The following ZFP64 variants were observed in gnomAD, a reference collection of about 807,000 sequenced individuals.
ZFP64 encodes the protein zinc finger protein 64.
In ZFP64, 14 loss-of-function variants were observed where a neutral mutation model predicts 51.6. The observed-to-expected ratio is 0.27, with a 90% CI of 0.18 to 0.42. The LOEUF is 0.42. Among genes scored for constraint, ZFP64 ranks in the 10% least tolerant of loss-of-function variants. The pLI, the probability that ZFP64 is intolerant of heterozygous loss-of-function variation, is 1.00. For synonymous variants in ZFP64, 375 were observed against 361.4 expected, an observed-to-expected ratio of 1.04 and a Z score of -0.43; for missense variants, 754 against 906.8, an observed-to-expected ratio of 0.83 and a Z score of 2.16.
At chr20:52,122,157 G>A (rs964320177) in intron 5 of ZFP64, among the ~76,000 whole-genome samples, 3 of 152,160 alleles carry the variant, frequency 2.0e-5, no homozygotes, top group Admixed American at 6.5e-5. Context: ...TTTCATGCCT[G>A]CTGACACAAC....
chr20:52,180,683 A>T (rs1983553246), intron 2 of ZFP64, among the ~76,000 whole-genome samples: 1 of 152,104 alleles, frequency 6.6e-6, no homozygotes. Context: ...TGATTATGTA[A>T]TGAGAGCTAA....
chr20:52,128,375 C>T (rs1979547281), intron 5 of ZFP64, among the ~76,000 whole-genome samples: 1 of 152,174 alleles, frequency 6.6e-6, no homozygotes, highest in Non-Finnish European at 1.5e-5. Context: ...GCCCCACCCA[C>T]CATAATGTCA....
chr20:52,106,849 C>A (rs1465752414), intron 5 of ZFP64, among the ~76,000 whole-genome samples: 2 of 152,158 alleles, frequency 1.3e-5, no homozygotes, highest in Non-Finnish European at 2.9e-5. Context: ...GTAATCCCAG[C>A]ACTTTGGGAG....
intron 2 of ZFP64, among the ~76,000 whole-genome samples, chr20:52,172,500 G>C (rs1982837831): frequency 6.6e-6 from 1 of 152,080 alleles, no homozygotes; most frequent in Non-Finnish European, 1.5e-5. Flanking sequence ...TCTGTATTCA[G>C]GTTTGGCATA....
At chr20:52,086,920 T>C (rs1034272090) in intron 8 of ZFP64, among the ~76,000 whole-genome samples, 1 of 152,250 alleles carries the variant, frequency 6.6e-6, no homozygotes. Flanking sequence ...AAATATATCA[T>C]GCCAGATGTT....
chr20:52,186,514 CT>C (rs11479878), intron 2 of ZFP64, among the ~76,000 whole-genome samples: 29,112 of 148,058 alleles, frequency 0.2, 3,235 homozygotes, highest in East Asian at 0.27. Flanking sequence ...AAAACAACCA[CT>C]TTTTTTTTTA....
At position 52,153,062 on chromosome 20, in the gene ZFP64, C is replaced by A. The variant is rs1377344075; in HGVS notation, c.1130G>T (p.Ser377Ile). The change falls in exon 6 of 6, where the codon AGC becomes ATC. Residue 377 changes from serine (S) to isoleucine (I), a missense_variant. Coordinates refer to ENST00000216923, the MANE Select transcript of ZFP64 (RefSeq NM_018197.3). The surrounding 1 kb of genome is among the most constrained non-coding windows in gnomAD (Gnocchi z 5.1). The stretch of plus-strand genomic sequence containing the variant: ...GTTGCTGGGCTGTTTGGTGTCGAAG[C>A]TGCAGTAGTTGCACTTGAAAGGGCG... Reference protein sequence around the residue: ...TDRPFKCNYCSFDTKQPSNLS... With the variant: ...TDRPFKCNYCIFDTKQPSNLS... 3.1e-6 allele frequency: 5 copies of A among 1,614,054 alleles called. No homozygotes were observed. Among genetic ancestry groups the A allele is most frequent in the Non-Finnish European group, 4.2e-6 (5 of 1,180,060 alleles).
At chr20:52,167,005 A>G (rs1982330723) in intron 2 of ZFP64, among the ~76,000 whole-genome samples, 1 of 152,250 alleles carries the variant, frequency 6.6e-6, no homozygotes, top group South Asian at 2.1e-4. Context: ...AGAAAAAAAA[A>G]ATAGCAAAAC....
rs797006213 is a variant in ZFP64 at position 52,090,927 on chromosome 20, C to CAAA, written c.977-2287_977-2285dup. Among the ~76,000 whole-genome samples, 452 of 67,866 alleles carry CAAA rather than the reference C, an allele frequency of 6.7e-3. 11 individuals are homozygous for CAAA. Among genetic ancestry groups the CAAA allele is most frequent in the South Asian group, 0.013 (16 of 1,274 alleles). The allele number at this position is 67,866 out of a possible 152,430, so 44.5% of individuals were successfully genotyped here. On this transcript the variant is annotated intron_variant, in intron 7 of 8. Coordinates refer to the ZFP64 transcript ENST00000361387. ...CAACACAGTGAGACCCTGACTCTAC[C>CAAA]AAAAAAAAAAAAAAAAAAAAAAAAA...
At chr20:52,182,732 A>G (rs945667515) in intron 2 of ZFP64, among the ~76,000 whole-genome samples, 5 of 152,032 alleles carry the variant, frequency 3.3e-5, no homozygotes, top group African/African-American at 9.7e-5. Context: ...AAACAAAACA[A>G]AGAAACAAGC....
intron 5 of ZFP64, among the ~76,000 whole-genome samples, chr20:52,138,210 C>A (rs948180676): frequency 6.6e-6 from 1 of 151,398 alleles, no homozygotes; most frequent in African/African-American, 2.4e-5. Flanking sequence ...CTCAAAAAAA[C>A]AACACACAAA....
exon 7 of ZFP64, chr20:52,097,398 C>T (rs773834184): frequency 6.2e-7 from 1 of 1,612,862 alleles, no homozygotes; most frequent in South Asian, 1.1e-5. Flanking sequence ...GATGGCGGTC[C>T]AAGTCTTTCA....
At position 52,153,740 on chromosome 20, in the gene ZFP64, T is replaced by G. The variant is rs946707153; in HGVS notation, c.764-312A>C. ...TTCTTTAAAACACTCAAACTATCTT[T>G]CATACAGTTAATTTGCCCACTCTGC... On this transcript the variant is annotated intron_variant, in intron 5 of 5. Coordinates refer to ENST00000216923, the MANE Select transcript of ZFP64 (RefSeq NM_018197.3). The surrounding 1 kb of genome is among the most constrained non-coding windows in gnomAD (Gnocchi z 5.1). Among the ~76,000 whole-genome samples the G allele has an allele frequency of 1.3e-5, 2 of 152,234 alleles. No homozygotes were observed. The highest frequency in any genetic ancestry group is 4.8e-5 in the African/African-American group (2 of 41,460).
chr20:52,155,160 C>T (rs984890039), intron 5 of ZFP64, among the ~76,000 whole-genome samples: 7 of 152,152 alleles, frequency 4.6e-5, no homozygotes, highest in African/African-American at 1.4e-4. Context: ...TCAGACCTAG[C>T]GGCAGCTCTA....
In ZFP64 at chr20:52,160,328, C is replaced by A. The variant is rs1293765906; in HGVS notation, c.558G>T (p.Arg186=). The change falls in exon 5 of 6, where the codon CGG becomes CGT. Residue 186 remains arginine (R), a synonymous_variant. Transcript: ENST00000216923. The surrounding 1 kb of genome is among the most constrained non-coding windows in gnomAD (Gnocchi z 4.2). ...KCEVCGKCFS[R]KDKLKTHMRC... Reference sequence around the variant, plus strand: ...GCATGTGAGTTTTCAGCTTGTCTTTCCGGCTAAAGCACTTGCCACAGACTT... The same window carrying A: ...GCATGTGAGTTTTCAGCTTGTCTTTACGGCTAAAGCACTTGCCACAGACTT... 6.2e-7 allele frequency: 1 copy of A among 1,614,078 alleles called. No homozygotes were observed. The highest frequency in any genetic ancestry group is 8.5e-7 in the Non-Finnish European group (1 of 1,180,046).
chr20:52,154,190 CT>C (rs1286363294), intron 5 of ZFP64, among the ~76,000 whole-genome samples: 1 of 152,198 alleles, frequency 6.6e-6, no homozygotes, highest in Non-Finnish European at 1.5e-5. Flanking sequence ...GACCCCTCAT[CT>C]CAACATTGTT....
chr20:52,092,416 T>A (rs2078938036), intron 7 of ZFP64, among the ~76,000 whole-genome samples: 1 of 152,112 alleles, frequency 6.6e-6, no homozygotes, highest in Non-Finnish European at 1.5e-5. Context: ...CCAATAGACT[T>A]TGGAAAAGCA....
At chr20:52,165,517 C>G (rs951268162) in intron 3 of ZFP64, 1 of 487,202 alleles carries the variant, frequency 2.1e-6, no homozygotes, top group African/African-American at 1.9e-5. Context: ...TTCTGTACAT[C>G]TGAAATTATT....
chr20:52,096,574 T>G (rs937170509), intron 7 of ZFP64, among the ~76,000 whole-genome samples: 2 of 152,218 alleles, frequency 1.3e-5, no homozygotes, highest in Non-Finnish European at 2.9e-5. Context: ...GTTGGCAAAG[T>G]GTTTTGTAAA....
Sources: gnomAD v4.1 joint callset for allele counts (sites outside exome capture counted in the v4.1 genomes callset) on GRCh38, gnomAD v4.1.1 for gene constraint, Gnocchi (gnomAD v3.1) non-coding constraint, MANE v1.5 for transcripts, NCBI Gene and HGNC (gene_info 2026-07-23, HGNC 2026-07-21) for gene names.